Variants in EBF1 observed in about 807,000 individuals in gnomAD.
The protein encoded by EBF1 is transcription factor COE1.
A neutral mutation model predicts 68.4 loss-of-function variants in EBF1; 10 were observed. The ratio of observed to expected loss-of-function variants is 0.15; its 90% CI spans 0.09 to 0.25. The LOEUF (loss-of-function observed/expected upper bound fraction) is 0.25, where lower values mean the gene tolerates loss of function less well. Ranked by LOEUF, EBF1 falls within the 10% of genes least tolerant of loss-of-function variation. The pLI is 1.00. For synonymous variants in EBF1, 298 were observed against 299.8 expected, an observed-to-expected ratio of 0.99 and a Z score of 0.06; for missense variants, 509 against 794.4, an observed-to-expected ratio of 0.64 and a Z score of 4.32.
chr5:158,850,306 A>G (rs1237736918), intron 6 of EBF1, among the ~76,000 whole-genome samples: 1 of 152,176 alleles, frequency 6.6e-6, no homozygotes, highest in East Asian at 1.9e-4. Context: ...TAGGTTATCT[A>G]TTTATTCATT....
At chr5:159,067,297 T>C (rs571579054) in intron 6 of EBF1, among the ~76,000 whole-genome samples, 1 of 152,214 alleles carries the variant, frequency 6.6e-6, no homozygotes, top group South Asian at 2.1e-4. Flanking sequence ...TTTCCAGAAC[T>C]GTTACAAAAG....
intron 6 of EBF1, among the ~76,000 whole-genome samples, chr5:158,854,340 G>A (rs1481968645): frequency 6.6e-6 from 1 of 152,220 alleles, no homozygotes; most frequent in Non-Finnish European, 1.5e-5. Context: ...TGAAGCAATG[G>A]CATGTTTTGT....
intron 15 of EBF1, 139 bp from the exon 16 acceptor site, chr5:158,699,281 T>A: frequency 1.3e-6 from 1 of 749,596 alleles, no homozygotes; most frequent in South Asian, 2.3e-5. Context: ...GCTCTCATCT[T>A]CTCTGGAATG....
At chr5:158,956,054 G>A (rs1030827323) in intron 6 of EBF1, among the ~76,000 whole-genome samples, 4 of 151,650 alleles carry the variant, frequency 2.6e-5, no homozygotes, top group South Asian at 2.1e-4. Flanking sequence ...GTGTGTGTGT[G>A]TGTGTGTGTG....
chr5:159,030,200 C>T (rs1768497141), intron 6 of EBF1, among the ~76,000 whole-genome samples: 2 of 151,848 alleles, frequency 1.3e-5, no homozygotes, highest in African/African-American at 4.8e-5. Flanking sequence ...TGTAGAAGTG[C>T]ACATGAATTA....
intron 6 of EBF1, among the ~76,000 whole-genome samples, chr5:159,040,233 C>T (rs1183091677): frequency 2.6e-5 from 4 of 152,138 alleles, no homozygotes; most frequent in Admixed American, 2.6e-4. Context: ...CTCTCAGGCT[C>T]TCTCTGTCGC....
intron 6 of EBF1, among the ~76,000 whole-genome samples, chr5:159,003,301 G>T (rs1280868865): frequency 2.6e-5 from 4 of 152,142 alleles, no homozygotes; most frequent in Non-Finnish European, 4.4e-5. Flanking sequence ...TGATGAACAT[G>T]CAGTGTCTCA....
intron 8 of EBF1, among the ~76,000 whole-genome samples, chr5:158,822,281 G>GATGA (rs1785029093): frequency 1.4e-5 from 2 of 144,266 alleles, no homozygotes; most frequent in African/African-American, 4.9e-5. Context: ...TGGATGGATG[G>GATGA]ATGGATGGAT....
At chr5:158,745,221 G>C (rs1049608663) in intron 10 of EBF1, among the ~76,000 whole-genome samples, 3 of 152,056 alleles carry the variant, frequency 2.0e-5, no homozygotes, top group African/African-American at 7.2e-5. Context: ...CAATAACCCC[G>C]GGTCTCCTGA....
intron 6 of EBF1, among the ~76,000 whole-genome samples, chr5:159,026,302 TG>T (rs1227971402): frequency 6.6e-6 from 1 of 152,032 alleles, no homozygotes; most frequent in Non-Finnish European, 1.5e-5. Context: ...TAATATAAGT[TG>T]GACTTAGGGA....
At chr5:159,033,400 G>A (rs930471026) in intron 6 of EBF1, among the ~76,000 whole-genome samples, 2 of 152,020 alleles carry the variant, frequency 1.3e-5, no homozygotes, top group Non-Finnish European at 2.9e-5. Flanking sequence ...GAAGAGAGGG[G>A]AAAAAAAGCT....
chr5:159,058,229 C>G (rs1202493439), intron 6 of EBF1, among the ~76,000 whole-genome samples: 2 of 152,182 alleles, frequency 1.3e-5, no homozygotes, highest in African/African-American at 4.8e-5. Context: ...AAAAGAATAT[C>G]TAAACCTGGA....
intron 6 of EBF1, among the ~76,000 whole-genome samples, chr5:159,045,670 G>C (rs1772232669): frequency 6.6e-6 from 1 of 152,180 alleles, no homozygotes; most frequent in African/African-American, 2.4e-5. Flanking sequence ...GACAATGACA[G>C]TCATGACACT....
intron 6 of EBF1, among the ~76,000 whole-genome samples, chr5:159,014,594 A>G (rs1765311528): frequency 6.6e-6 from 1 of 152,232 alleles, no homozygotes; most frequent in African/African-American, 2.4e-5. Flanking sequence ...GACAAGGTCT[A>G]TTGCTGACCC....
At chr5:158,981,855 C>T (rs557015000) in intron 6 of EBF1, among the ~76,000 whole-genome samples, 1 of 151,924 alleles carries the variant, frequency 6.6e-6, no homozygotes, top group East Asian at 1.9e-4. Context: ...TAGAATCTTA[C>T]TAAAAATAAA....
rs775151734 is a variant in EBF1 at position 158,708,049 on chromosome 5, G to A, written c.1674C>T (p.Phe558=). ...MVSAVKQKSA[F]APVVRPQTSP... is the part of the protein sequence containing the mutation. ...AGGTCTGGGGTCTGACGACTGGTGC[G>A]AAAGCACTCTTCTGTTTCACGGCTG... Residue 558 remains phenylalanine (F), a synonymous_variant, in exon 15 of 16, where the codon TTC becomes TTT. Transcript: ENST00000313708. 2.8e-5 allele frequency: 43 copies of A among 1,557,234 alleles called. No individual in the cohort carries two copies. The highest frequency in any genetic ancestry group is 2.4e-4 in the South Asian group (20 of 84,416).
intron 5 of EBF1, among the ~76,000 whole-genome samples, chr5:159,078,856 C>T (rs1422966668): frequency 4.6e-5 from 7 of 152,198 alleles, no homozygotes; most frequent in African/African-American, 1.7e-4. Context: ...ACCAGCCTAA[C>T]ACAGGTGGCG....
chr5:159,066,554 T>G (rs929500631), intron 6 of EBF1, among the ~76,000 whole-genome samples: 5 of 151,994 alleles, frequency 3.3e-5, no homozygotes, highest in African/African-American at 1.2e-4. Flanking sequence ...TGACACCCCC[T>G]GCCCCACCCA....
intron 6 of EBF1, among the ~76,000 whole-genome samples, chr5:159,037,780 C>T (rs1188654598): frequency 6.6e-6 from 1 of 151,836 alleles, no homozygotes; most frequent in Non-Finnish European, 1.5e-5. Flanking sequence ...ACAATGTGCA[C>T]ATGTACTCTA....
Sources: gnomAD v4.1 joint callset for allele counts (sites outside exome capture counted in the v4.1 genomes callset) on GRCh38, gnomAD v4.1.1 for gene constraint, MANE v1.5 for transcripts, NCBI Gene and HGNC (gene_info 2026-07-23, HGNC 2026-07-21) for gene names.